Variants in MRPL27 observed in about 807,000 individuals in gnomAD.
The protein encoded by MRPL27 is mitochondrial ribosomal protein L27.
Under a neutral mutation model 14.6 loss-of-function variants are expected in MRPL27, and 4 were observed. The observed-to-expected ratio is 0.27, with a 90% CI of 0.14 to 0.63. MRPL27 has a LOEUF of 0.63. Ranked by LOEUF, MRPL27 falls within the 20% of genes least tolerant of loss-of-function variation. The probability of loss-of-function intolerance (pLI) is 0.85; values close to 1 mark genes in which losing one functional copy is unlikely to be tolerated. For synonymous variants in MRPL27, 82 were observed against 75.5 expected (o/e 1.09, Z -0.45); for missense variants, 196 against 192.8 (o/e 1.02, Z -0.10).
intron 3 of MRPL27, chr17:50,369,103 T>C (rs374538148): frequency 5.6e-5 from 28 of 501,532 alleles, no homozygotes; most frequent in African/African-American, 5.3e-4. Context: ...GGCAAGTTAC[T>C]TCACTGTGCC....
Position 50,368,006 on chromosome 17 carries a change from G to A in MRPL27, c.*86C>T, listed in dbSNP as rs574839014. 276 of 1,436,986 alleles carry A rather than the reference G, an allele frequency of 1.9e-4. No homozygotes were observed. Among genetic ancestry groups the A allele is most frequent in the African/African-American group, 6.0e-4 (43 of 71,358 alleles). 89.0% of individuals were successfully genotyped at this position (1,436,986 alleles called of 1,614,324 possible). The stretch of plus-strand genomic sequence containing the variant: ...AAGCAGACCTCTTCCTCGGGAGGCC[G>A]TGTCGCCACCCCAACCCTTGACTTC... On this transcript the variant is annotated 3_prime_UTR_variant, in exon 4 of 4. Coordinates refer to ENST00000225969, the MANE Select transcript of MRPL27 (RefSeq NM_016504.3).
Position 50,369,425 on chromosome 17 carries a change from T to C in MRPL27, c.240+607A>G, listed in dbSNP as rs113428416. 4.0e-3 allele frequency: 629 copies of C among 157,794 alleles called. 7 individuals are homozygous for C. The highest frequency in any genetic ancestry group is 0.014 in the African/African-American group (594 of 41,600). The allele number at this position is 157,794 out of a possible 1,614,324, so 9.8% of individuals were successfully genotyped here. On this transcript the variant is annotated intron_variant, in intron 3 of 3. Coordinates refer to ENST00000225969, the MANE Select transcript of MRPL27 (RefSeq NM_016504.3). ...AGGGGAAACTGTTTACAAAGGCAACTAATATTTAAAATAATGTGGAGAGTA... is the reference window on the plus strand; with the variant it reads ...AGGGGAAACTGTTTACAAAGGCAACCAATATTTAAAATAATGTGGAGAGTA...
At chr17:50,372,947 C>CTCACGGCTCCTG in intron 1 of MRPL27, 184 bp downstream of exon 1, 1 of 786,192 alleles carries the variant, frequency 1.3e-6, no homozygotes, top group South Asian at 1.8e-5. Flanking sequence ...AACGCCCTCA[C>CTCACGGCTCCTG]TCACGGCTCC....
At position 50,370,291 on chromosome 17, in the gene MRPL27, A is replaced by G. The variant is rs1913091961; in HGVS notation, c.172+164T>C. ...AATTGCATGGTTATGGCTCACACCC[A>G]CCCACTCGATGACCCTTCCTCAGGT... On this transcript the variant is annotated intron_variant, in intron 2 of 3. Transcript: ENST00000225969. 5 of 1,238,698 alleles carry G rather than the reference A, an allele frequency of 4.0e-6. No individual in the cohort carries two copies. In the South Asian group the frequency reaches 7.0e-5, roughly 17 times the overall value. The allele number at this position is 1,238,698 out of a possible 1,614,324, so 76.7% of individuals were successfully genotyped here.
Position 50,371,778 on chromosome 17 carries a change from T to C in MRPL27, c.41-1192A>G, listed in dbSNP as rs149410572. 2.4e-3 allele frequency among the ~76,000 whole-genome samples: 360 copies of C among 152,304 alleles called. 3 individuals carry two copies. The highest frequency in any genetic ancestry group is 8.3e-3 in the African/African-American group (346 of 41,566). ...TGCCCGGCGCCAGGATCTACCTACC[T>C]TTAAACATCTATTCATTCATTTACA... On this transcript the variant is annotated intron_variant, in intron 1 of 3. Transcript: ENST00000225969.
chr17:50,370,009 G>A, intron 3 of MRPL27, 23 bp downstream of exon 3: 1 of 1,613,278 alleles, frequency 6.2e-7, no homozygotes, highest in Non-Finnish European at 8.5e-7. Flanking sequence ...AGGAAAAAGG[G>A]GGGCAGCAAC....
At position 50,368,182 on chromosome 17, in the gene MRPL27, C is replaced by T; in HGVS notation, c.357G>A (p.Arg119=). ...TGTAGAGCACAGCACCCTTGGGCAG[C>T]CTGGTGATCAGATCCACAGCCTCCG... The part of the protein sequence containing the change: ...RNTEAVDLIT[R]LPKGAVLYKT... The change falls in exon 4 of 4, where the codon AGG becomes AGA. Residue 119 remains arginine (R), a synonymous_variant. Coordinates refer to ENST00000225969, the MANE Select transcript of MRPL27 (RefSeq NM_016504.3). The T allele has an allele frequency of 6.2e-7, 1 of 1,614,198 alleles. No homozygotes were observed.
chr17:50,373,153 C>A lies in MRPL27; in HGVS notation c.18G>T (p.Leu6Phe). The change falls in exon 1 of 4, where the codon TTG becomes TTT. Residue 6 changes from leucine to phenylalanine, a missense_variant. Leu to Phe is a conservative substitution (Grantham distance 22). Transcript: ENST00000225969. MASVV[L>F]ALRTRTAVTS... ...TACCGGCTGTCCGGGTCCTCAGCGC[C>A]AACACCACCGACGCCATGCTTTCGA... The A allele has an allele frequency of 6.2e-7, 1 of 1,614,230 alleles. No homozygotes were observed. The highest frequency in any genetic ancestry group is 8.5e-7 in the Non-Finnish European group (1 of 1,180,052).
At chr17:50,372,262 G>C (rs545161623) in intron 1 of MRPL27, among the ~76,000 whole-genome samples, 2 of 151,308 alleles carry the variant, frequency 1.3e-5, no homozygotes, top group African/African-American at 2.4e-5. Flanking sequence ...TTTTGGGGGG[G>C]GGGGATAGGG....
intron 3 of MRPL27, 183 bp from the exon 4 acceptor site, chr17:50,368,481 A>C: frequency 1.6e-6 from 1 of 637,272 alleles, no homozygotes; most frequent in South Asian, 2.0e-5. Context: ...TTATTGACTC[A>C]TAACAAATGA....
At chr17:50,369,956 T>A (rs753912609) in intron 3 of MRPL27, 76 bp downstream of exon 3, 16 of 1,498,564 alleles carry the variant, frequency 1.1e-5, no homozygotes, top group Admixed American at 6.8e-5. Flanking sequence ...TACATGCAAC[T>A]GTTATTACCA....
intron 2 of MRPL27, 55 bp from the exon 3 acceptor site, chr17:50,370,154 T>C (rs895633282): frequency 1.3e-6 from 2 of 1,534,550 alleles, no homozygotes; most frequent in African/African-American, 1.4e-5. Context: ...CAAGAAAACA[T>C]GATGGCCCAA....
At chr17:50,369,399 GA>G (rs1567811938) in intron 3 of MRPL27, 3 of 155,774 alleles carry the variant, frequency 1.9e-5, no homozygotes, top group Admixed American at 6.5e-5. Flanking sequence ...AGGGGTGGGG[GA>G]GGGGAAACTG....
At chr17:50,369,474 A>G (rs1416097119) in intron 3 of MRPL27, 1 of 168,476 alleles carries the variant, frequency 5.9e-6, no homozygotes, top group African/African-American at 2.5e-5. Context: ...TCTCTGTAAC[A>G]AAGAACTGTC....
chr17:50,368,335 C>A, intron 3 of MRPL27, 37 bp from the exon 4 acceptor site: 1 of 1,416,192 alleles, frequency 7.1e-7, no homozygotes, highest in South Asian at 1.2e-5. Context: ...GTCAGCTGGT[C>A]AGCGAGGTGG....
intron 3 of MRPL27, chr17:50,369,669 A>G: frequency 3.9e-6 from 1 of 257,182 alleles, no homozygotes; most frequent in South Asian, 5.9e-5. Flanking sequence ...TTAGTTTCCC[A>G]AGACTAAAAT....
Position 50,370,050 on chromosome 17 carries a change from G to C in MRPL27, c.222C>G (p.Arg74=), listed in dbSNP as rs1461524680. ...GNIIATQRHF[R]WHPGAHVGVG... ...AACTCACATGGGCACCTGGGTGCCA[G>C]CGGAAATGGCGCTGTGTTGCAATGA... Residue 74 remains arginine, a synonymous_variant, in exon 3 of 4, where the codon CGC becomes CGG. Transcript: ENST00000225969. 1 of 1,613,892 alleles carries C rather than the reference G, an allele frequency of 6.2e-7. No individual in the cohort carries two copies. The highest frequency in any genetic ancestry group is 1.1e-5 in the South Asian group (1 of 91,000).
At chr17:50,368,511 A>G in intron 3 of MRPL27, 3 of 610,364 alleles carry the variant, frequency 4.9e-6, no homozygotes, top group Non-Finnish European at 8.6e-6. Flanking sequence ...AAGCTCCAAC[A>G]GCCAACATGG....
Position 50,368,157 on chromosome 17 carries a change from T to C in MRPL27, c.382A>G (p.Lys128Glu). Residue 128 changes from lysine to glutamate, a missense_variant, in exon 4 of 4, where the codon AAG becomes GAG. Lys to Glu is a moderately conservative substitution (Grantham distance 56). Transcript: ENST00000225969. ...TRLPKGAVLY[K>E]TFVHVVPAKP... ...GCAGGAACCACGTGGACAAAAGTCT[T>C]GTAGAGCACAGCACCCTTGGGCAGC... 2 of 1,614,202 alleles carry C rather than the reference T, an allele frequency of 1.2e-6. No homozygotes were observed. The highest frequency in any genetic ancestry group is 1.7e-6 in the Non-Finnish European group (2 of 1,180,042).
Sources: allele counts gnomAD v4.1 joint callset (sites outside exome capture counted in the v4.1 genomes callset), GRCh38; gene constraint gnomAD v4.1.1; transcripts MANE v1.5; gene names NCBI Gene and HGNC (gene_info 2026-07-23, HGNC 2026-07-21).